RBM22: variants seen among roughly 807,000 people sequenced by gnomAD.
The protein encoded by RBM22 is RNA binding motif protein 22.
In RBM22, 1 loss-of-function variant was observed where a neutral mutation model predicts 50.1. The observed-to-expected ratio is 0.02, with a 90% confidence interval of 0.01 to 0.09. The LOEUF is 0.09. RBM22 is among the 10% of genes least tolerant of loss of function. RBM22 has a pLI of 1.00. For synonymous variants in RBM22, 152 were observed against 179.0 expected (o/e 0.85, Z 1.20); for missense variants, 264 against 529.3 (o/e 0.50, Z 4.92).
chr5:150,694,414 G>T, intron 7 of RBM22, 174 bp from the exon 8 acceptor site: 1 of 1,017,528 alleles, frequency 9.8e-7, no homozygotes. Context: ...GGGTGCTGCT[G>T]ATTGAGAGAA....
Position 150,691,550 on chromosome 5 carries a change from T to C in RBM22, c.*201A>G. ...GTCATGTTACAGCAGTAACCAGATG[T>C]GTTAATGGCAGCTTATTTACGGTCC... On this transcript the variant is annotated 3_prime_UTR_variant, in exon 11 of 11. Transcript: ENST00000199814. 1.9e-6 allele frequency: 1 copy of C among 532,830 alleles called. No homozygotes were observed. Among genetic ancestry groups the C allele is most frequent in the Non-Finnish European group, 3.0e-6 (1 of 338,336 alleles). 33.0% of individuals were successfully genotyped at this position (532,830 alleles called of 1,614,324 possible). A position where few individuals can be genotyped will look rare whatever the true frequency, so the allele number is the denominator to read the frequency against.
chr5:150,694,275 G>A (rs898897956), intron 7 of RBM22, 35 bp from the exon 8 acceptor site: 1 of 1,596,026 alleles, frequency 6.3e-7, no homozygotes, highest in African/African-American at 1.3e-5. Flanking sequence ...ATGAAAGTGG[G>A]AGTTAAAAAA....
chr5:150,699,040 G>A (rs979343950), intron 3 of RBM22, among the ~76,000 whole-genome samples: 1 of 152,044 alleles, frequency 6.6e-6, no homozygotes, highest in African/African-American at 2.4e-5. Context: ...CACTGACACC[G>A]TAAGAATCTC....
rs781084885 is a variant in RBM22, at chr5:150,694,030, T to C, written c.911+46A>G. On this transcript the variant is annotated intron_variant, in intron 8 of 10. Transcript: ENST00000199814. ...AGTCTCCAGAAAATGAAATAGTTTC[T>C]TAAAAATCTAAGCAAAATGTCACTT... 21 of 1,589,410 alleles carry C rather than the reference T, an allele frequency of 1.3e-5. No homozygotes were observed. The African/African-American group carries it at 2.8e-4, about 21-fold the overall frequency.
intron 8 of RBM22, 58 bp downstream of exon 8, chr5:150,694,018 T>C: frequency 1.3e-6 from 2 of 1,578,192 alleles, no homozygotes; most frequent in Non-Finnish European, 1.7e-6. Context: ...CTCCAGAAAA[T>C]GAAATAGTTT....
chr5:150,696,731 G>A lies in RBM22; in HGVS notation c.373-26C>T. 1 of 1,614,000 alleles carries A rather than the reference G, an allele frequency of 6.2e-7. No homozygotes were observed. The highest frequency in any genetic ancestry group is 8.5e-7 in the Non-Finnish European group (1 of 1,179,882). On this transcript the variant is annotated intron_variant, in intron 5 of 10. Coordinates refer to ENST00000199814, the MANE Select transcript of RBM22 (RefSeq NM_018047.3). The surrounding 1 kb of genome is among the most constrained non-coding windows in gnomAD (Gnocchi z 4.3). ...CTAAGTGGGGATGACAAATTCAAAA[G>A]ATAAATTATACAGACTGTGTCAATT...
At chr5:150,698,326 T>A (rs1468564441) in intron 4 of RBM22, among the ~76,000 whole-genome samples, 173 bp downstream of exon 4, 1 of 152,150 alleles carries the variant, frequency 6.6e-6, no homozygotes, top group East Asian at 1.9e-4. Context: ...CTACTATTGT[T>A]CAGGACTCTA....
At chr5:150,700,752 G>T in intron 1 of RBM22, 180 bp downstream of exon 1, 1 of 1,542,584 alleles carries the variant, frequency 6.5e-7, no homozygotes, top group Non-Finnish European at 8.7e-7. Context: ...CCCTGGCTAA[G>T]CCCCCTCCCT....
chr5:150,695,217 T>C lies in RBM22; in HGVS notation c.746+289A>G, dbSNP rs1002627780. 3 of 325,390 alleles carry C rather than the reference T, an allele frequency of 9.2e-6. No individual in the cohort carries two copies. The Admixed American group carries it at 1.4e-4, about 15-fold the overall frequency. The allele number at this position is 325,390 out of a possible 1,614,324, so 20.2% of individuals were successfully genotyped here. On this transcript the variant is annotated intron_variant, in intron 7 of 10. Transcript: ENST00000199814. ...AATTTTTTTGATTTCTTAGTAGAGATGTGGTCTCACTATGTTGCTCAGGCT... is the reference window on the plus strand; with the variant it reads ...AATTTTTTTGATTTCTTAGTAGAGACGTGGTCTCACTATGTTGCTCAGGCT...
At chr5:150,692,834 G>A in intron 10 of RBM22, 61 bp downstream of exon 10, 1 of 1,486,760 alleles carries the variant, frequency 6.7e-7, no homozygotes, top group Non-Finnish European at 9.1e-7. Context: ...ATGATGGTGA[G>A]GTTTATGAGA....
Position 150,693,032 on chromosome 5 carries a change from G to A in RBM22, c.1001-6C>T. ...TGCAGGAGGAGGAGGAAGAGCTGGA[G>A]GAGAGAAAATAGTCAACACATAGAG... On this transcript the variant is annotated splice_region_variant and splice_polypyrimidine_tract_variant and intron_variant, in intron 9 of 10. Transcript: ENST00000199814. 6.2e-7 allele frequency: 1 copy of A among 1,604,002 alleles called. No individual in the cohort carries two copies. The highest frequency in any genetic ancestry group is 8.5e-7 in the Non-Finnish European group (1 of 1,175,934).
rs529787258 is a variant in RBM22, at chr5:150,693,205, G to C, written c.1000+14C>G. The C allele has an allele frequency of 1.2e-6, 2 of 1,605,684 alleles. No individual in the cohort carries two copies. The highest frequency in any genetic ancestry group is 2.7e-5 in the African/African-American group (2 of 74,808). On this transcript the variant is annotated intron_variant, in intron 9 of 10. Coordinates refer to ENST00000199814, the MANE Select transcript of RBM22 (RefSeq NM_018047.3). ...AGAAAGAGCTTCTGAAGTCAGCAGG[G>C]AGTCTGCACTCACCTCCTGGCAATC...
At chr5:150,694,340 G>T in intron 7 of RBM22, 100 bp from the exon 8 acceptor site, 1 of 1,456,234 alleles carries the variant, frequency 6.9e-7, no homozygotes, top group Non-Finnish European at 9.1e-7. Flanking sequence ...CCACTAGGCA[G>T]GTGGGCCCCA....
intron 8 of RBM22, 52 bp downstream of exon 8, chr5:150,694,024 A>G: frequency 6.3e-7 from 1 of 1,583,402 alleles, no homozygotes; most frequent in South Asian, 1.1e-5. Context: ...AAAATGAAAT[A>G]GTTTCTTAAA....
chr5:150,699,383 C>G, intron 2 of RBM22, 112 bp from the exon 3 acceptor site: 1 of 1,387,918 alleles, frequency 7.2e-7, no homozygotes, highest in South Asian at 1.5e-5. Context: ...CCCTGGCATC[C>G]TAGAGAGAGA....
At chr5:150,697,760 T>C (rs1759295543) in intron 4 of RBM22, 2 of 334,448 alleles carry the variant, frequency 6.0e-6, no homozygotes, top group Non-Finnish European at 1.1e-5. Context: ...AAAACTCTTG[T>C]TGAAAAATTA....
At chr5:150,694,836 AT>A (rs1443835433) in intron 7 of RBM22, 8 of 152,616 alleles carry the variant, frequency 5.2e-5, no homozygotes, top group African/African-American at 1.7e-4. Context: ...CAAGCCAAAA[AT>A]AACACAAATT....
chr5:150,692,906 G>A lies in RBM22; in HGVS notation c.1121C>T (p.Pro374Leu). 1 of 1,606,982 alleles carries A rather than the reference G, an allele frequency of 6.2e-7. No homozygotes were observed. Among genetic ancestry groups the A allele is most frequent in the Non-Finnish European group, 8.5e-7 (1 of 1,176,854 alleles). Residue 374 changes from proline to leucine, a missense_variant, in exon 10 of 11, where the codon CCC becomes CTC. Pro to Leu is a moderately conservative substitution (Grantham distance 98). Around this residue, in one of 7 missense-constraint regions of RBM22, gnomAD observed 106 missense variants for 137.1 expected, o/e 0.77. Transcript: ENST00000199814. ...AAGATGGAAGTTACCTGGGGGTGGG[G>A]GTGGAGCAATGCCAGGGGGCGGTGG... Reference protein sequence around the residue: ...ALPPPPGIAPPPPPGFGPHMF... With the variant: ...ALPPPPGIAPLPPPGFGPHMF...
At position 150,696,538 on chromosome 5, in the gene RBM22, T is replaced by C. The variant is rs1365144984; in HGVS notation, c.540A>G (p.Pro180=). The C allele has an allele frequency of 6.8e-6, 11 of 1,612,584 alleles. No individual in the cohort carries two copies. Among genetic ancestry groups the C allele is most frequent in the African/African-American group, 2.7e-5 (2 of 74,880 alleles). The change falls in exon 6 of 11, where the codon CCA becomes CCG. Residue 180 remains proline, a synonymous_variant. Transcript: ENST00000199814. The surrounding 1 kb of genome is among the most constrained non-coding windows in gnomAD (Gnocchi z 4.3). ...KGECKRGEEC[P]YRHEKPTDPD... is the part of the protein sequence containing the mutation. ...AAAATGAGGCTCGCTCTTGCCTGTATGGACATTCCTCTCCTCTCTTACACT... is the reference window on the plus strand; with the variant it reads ...AAAATGAGGCTCGCTCTTGCCTGTACGGACATTCCTCTCCTCTCTTACACT...
Sources: allele counts gnomAD v4.1 joint callset (sites outside exome capture counted in the v4.1 genomes callset), GRCh38; gene constraint gnomAD v4.1.1; regional missense constraint gnomAD v4.1.1; non-coding constraint Gnocchi (gnomAD v3.1); transcripts MANE v1.5; gene names NCBI Gene and HGNC (gene_info 2026-07-23, HGNC 2026-07-21).